Variants in WDR64 observed in about 807,000 individuals in gnomAD.
WDR64 encodes WD repeat domain 64, also known as WD repeat-containing protein 64.
In WDR64, 112 loss-of-function variants were observed where a neutral mutation model predicts 139.3. The observed-to-expected ratio is 0.80, with a 90% CI of 0.69 to 0.94. The LOEUF (loss-of-function observed/expected upper bound fraction) is 0.94, where lower values mean the gene tolerates loss of function less well. Among genes scored for constraint, WDR64 ranks in the 40% least tolerant of loss-of-function variants. The pLI is 0.00. For missense variants in WDR64, 1,206 were observed against 1,293.1 expected, an observed-to-expected ratio of 0.93 and a Z score of 1.03; for synonymous variants, 444 against 437.7, an observed-to-expected ratio of 1.01 and a Z score of -0.18.
chr1:241,777,777 A>G (rs1162791489), intron 21 of WDR64, among the ~76,000 whole-genome samples: 1 of 152,122 alleles, frequency 6.6e-6, no homozygotes, highest in Non-Finnish European at 1.5e-5. Flanking sequence ...CTTTGACCCA[A>G]AGAATTTATA....
intron 14 of WDR64, among the ~76,000 whole-genome samples, chr1:241,754,154 G>A (rs1481881454): frequency 6.6e-6 from 1 of 151,926 alleles, no homozygotes; most frequent in Non-Finnish European, 1.5e-5. Context: ...AACACTCAGG[G>A]AAATATGATT....
Position 241,676,745 on chromosome 1 carries a change from G to GTTTTTTTTTT in WDR64, c.484-1433_484-1424dup, listed in dbSNP as rs11342790. Among the ~76,000 whole-genome samples the GTTTTTTTTTT allele has an allele frequency of 1.4e-4, 17 of 124,338 alleles. 1 individual carries two copies. The highest frequency in any genetic ancestry group is 4.2e-4 in the African/African-American group (14 of 33,334). 81.6% of individuals were successfully genotyped at this position (124,338 alleles called of 152,430 possible). On this transcript the variant is annotated intron_variant, in intron 4 of 27. Coordinates refer to ENST00000437684, the MANE Select transcript of WDR64 (RefSeq NM_001367482.1). ...GGAAAAAATGGCTAAAAAATTAATGGTTTTTTTTTTTTTTTTTTGTAGAAA... is the reference window on the plus strand; with the variant it reads ...GGAAAAAATGGCTAAAAAATTAATGGTTTTTTTTTTTTTTTTTTTTTTTTTTTTGTAGAAA...
intron 10 of WDR64, among the ~76,000 whole-genome samples, chr1:241,727,631 G>A (rs1668897963): frequency 1.3e-5 from 2 of 152,262 alleles, no homozygotes; most frequent in South Asian, 4.2e-4. Flanking sequence ...ACAAAGCATT[G>A]AACAAGGAGG....
chr1:241,788,124 C>T, intron 24 of WDR64, 90 bp downstream of exon 24: 1 of 1,176,022 alleles, frequency 8.5e-7, no homozygotes, highest in Non-Finnish European at 1.2e-6. Context: ...GAATTCAAGG[C>T]AAGAGGTCCA....
intron 10 of WDR64, among the ~76,000 whole-genome samples, chr1:241,737,055 C>G (rs893439310): frequency 2.6e-5 from 4 of 152,200 alleles, no homozygotes; most frequent in Non-Finnish European, 4.4e-5. Context: ...TTTTGTGTCT[C>G]TTCCTCTACT....
chr1:241,762,468 G>A (rs1328729382), intron 15 of WDR64, among the ~76,000 whole-genome samples: 1 of 152,156 alleles, frequency 6.6e-6, no homozygotes, highest in Non-Finnish European at 1.5e-5. Context: ...GTTTGAGGCT[G>A]AAGAATAGAG....
intron 14 of WDR64, among the ~76,000 whole-genome samples, chr1:241,756,801 C>A (rs548730709): frequency 6.6e-6 from 1 of 152,172 alleles, no homozygotes; most frequent in African/African-American, 2.4e-5. Context: ...GAAAGCAGTA[C>A]CAAATTGGCA....
intron 23 of WDR64, among the ~76,000 whole-genome samples, chr1:241,787,198 C>CAA (rs67336689): frequency 1.6e-5 from 2 of 128,216 alleles, no homozygotes; most frequent in African/African-American, 6.2e-5. Flanking sequence ...ACTAAAAATA[C>CAA]AAAAAAAAAA....
intron 2 of WDR64, among the ~76,000 whole-genome samples, chr1:241,663,984 A>C (rs756964903): frequency 1.1e-4 from 17 of 152,228 alleles, no homozygotes; most frequent in Non-Finnish European, 2.2e-4. Context: ...AGAAGACATA[A>C]ATGTATTTAA....
chr1:241,698,786 G>C (rs1047257400), intron 8 of WDR64, among the ~76,000 whole-genome samples: 2 of 152,132 alleles, frequency 1.3e-5, no homozygotes, highest in African/African-American at 4.8e-5. Context: ...TTTCTTCCAA[G>C]ATAGGTTAGA....
At chr1:241,689,869 T>C (rs555937977) in intron 8 of WDR64, among the ~76,000 whole-genome samples, 2 of 151,498 alleles carry the variant, frequency 1.3e-5, no homozygotes, top group Non-Finnish European at 2.9e-5. Context: ...AAAGAATTTA[T>C]AGAAGATTCA....
chr1:241,785,610 C>T (rs1490431193), intron 23 of WDR64, among the ~76,000 whole-genome samples: 2 of 152,314 alleles, frequency 1.3e-5, no homozygotes, highest in African/African-American at 2.4e-5. Context: ...TGATTTCTTA[C>T]AGTGAAAATC....
At chr1:241,750,681 C>T (rs1194138749) in intron 14 of WDR64, among the ~76,000 whole-genome samples, 1 of 152,180 alleles carries the variant, frequency 6.6e-6, no homozygotes, top group African/African-American at 2.4e-5. Flanking sequence ...TATTCACTCA[C>T]CAAAATTGTT....
intron 14 of WDR64, among the ~76,000 whole-genome samples, chr1:241,754,911 T>TA (rs1199753099): frequency 6.6e-6 from 1 of 152,226 alleles, no homozygotes; most frequent in Non-Finnish European, 1.5e-5. Context: ...ATTCTTTTTT[T>TA]ATGGCTGCAC....
intron 20 of WDR64, among the ~76,000 whole-genome samples, chr1:241,774,403 G>A (rs998493168): frequency 1.3e-5 from 2 of 152,142 alleles, no homozygotes; most frequent in Admixed American, 6.5e-5. Flanking sequence ...AGAAATGAAA[G>A]AGTAAAAGAA....
At chr1:241,725,060 A>G (rs1192829047) in intron 10 of WDR64, among the ~76,000 whole-genome samples, 1 of 152,152 alleles carries the variant, frequency 6.6e-6, no homozygotes, top group Non-Finnish European at 1.5e-5. Flanking sequence ...TGCAATAAAA[A>G]GCAGAGAAAT....
rs376458466 is a variant in WDR64 at position 241,680,500 on chromosome 1, T to G, written c.624+905T>G. Among the ~76,000 whole-genome samples, 165 of 152,314 alleles carry G rather than the reference T, an allele frequency of 1.1e-3. 6 individuals carry two copies. In the South Asian group the frequency reaches 0.033, roughly 31 times the overall value. ...CTTTGATCATTACCTCTTCTCCTCA[T>G]GCTGTTCTGTTTTCACTCTTGCTTT... On this transcript the variant is annotated intron_variant, in intron 6 of 27. Coordinates refer to ENST00000437684, the MANE Select transcript of WDR64 (RefSeq NM_001367482.1).
At chr1:241,689,463 T>C (rs1470284060) in intron 8 of WDR64, among the ~76,000 whole-genome samples, 2 of 152,134 alleles carry the variant, frequency 1.3e-5, no homozygotes, top group Non-Finnish European at 2.9e-5. Context: ...ATAGAACAGA[T>C]ATCAGTGCAA....
At chr1:241,688,115 G>A (rs1667079028) in intron 8 of WDR64, among the ~76,000 whole-genome samples, 1 of 152,160 alleles carries the variant, frequency 6.6e-6, no homozygotes, top group African/African-American at 2.4e-5. Context: ...AAATTGCATT[G>A]AGATGTATGC....
Sources: allele counts gnomAD v4.1 joint callset (sites outside exome capture counted in the v4.1 genomes callset), GRCh38; gene constraint gnomAD v4.1.1; transcripts MANE v1.5; gene names NCBI Gene and HGNC (gene_info 2026-07-23, HGNC 2026-07-21).